OSBPL10: variants seen among roughly 807,000 people sequenced by gnomAD.
OSBPL10 encodes the protein oxysterol binding protein like 10.
OSBPL10 carries 49 observed loss-of-function variants against 81.7 expected under a neutral mutation model. The observed-to-expected ratio is 0.60, with a 90% CI of 0.48 to 0.76. OSBPL10 has a LOEUF of 0.76. Among genes scored for constraint, OSBPL10 ranks in the 30% least tolerant of loss-of-function variants. The pLI is 0.00. For synonymous variants in OSBPL10, 419 were observed against 383.6 expected, an observed-to-expected ratio of 1.09 and a Z score of -1.08; for missense variants, 923 against 987.8, an observed-to-expected ratio of 0.93 and a Z score of 0.88.
intron 3 of OSBPL10, among the ~76,000 whole-genome samples, chr3:31,838,436 G>T (rs368442961): frequency 6.7e-6 from 1 of 148,758 alleles, no homozygotes; most frequent in Non-Finnish European, 1.5e-5. Flanking sequence ...GCGTGAACCC[G>T]GGAGGCGGAG....
chr3:31,681,203 G>C (rs998278265), intron 8 of OSBPL10, among the ~76,000 whole-genome samples: 1 of 152,164 alleles, frequency 6.6e-6, no homozygotes, highest in Non-Finnish European at 1.5e-5. Context: ...AGGAAGGTGT[G>C]ACGAGTGCAG....
rs1700068591 is a variant in OSBPL10, at chr3:31,661,399, G to A, written c.*673C>T. On this transcript the variant is annotated 3_prime_UTR_variant, in exon 12 of 12. Coordinates refer to ENST00000396556, the MANE Select transcript of OSBPL10 (RefSeq NM_017784.5). ...ATGAGAGACGGGTGGAAAACTCCTT[G>A]GTGGGCCTTGGCTCTTAGTTGTCCC... The A allele has an allele frequency of 6.6e-6, 1 of 152,182 alleles. No individual in the cohort carries two copies. The highest frequency in any genetic ancestry group is 2.4e-5 in the African/African-American group (1 of 41,426). The allele number at this position is 152,182 out of a possible 1,614,324, so 9.4% of individuals were successfully genotyped here. A position where few individuals can be genotyped will look rare whatever the true frequency, so the allele number is the denominator to read the frequency against.
intron 1 of OSBPL10, among the ~76,000 whole-genome samples, chr3:31,960,815 A>G (rs1424930511): frequency 6.6e-6 from 1 of 152,094 alleles, no homozygotes; most frequent in African/African-American, 2.4e-5. Flanking sequence ...CCACCAGGAG[A>G]GAATTACCAG....
intron 1 of OSBPL10, among the ~76,000 whole-genome samples, chr3:31,961,047 CTTTTTTTT>C (rs35027814): frequency 3.5e-5 from 4 of 112,994 alleles, no homozygotes; most frequent in East Asian, 2.7e-4. Context: ...AAGCTACAGC[CTTTTTTTT>C]TTTTTTTTTT....
At chr3:31,879,475 C>T in intron 2 of OSBPL10, 180 bp downstream of exon 2, 2 of 604,518 alleles carry the variant, frequency 3.3e-6, no homozygotes, top group Non-Finnish European at 5.6e-6. Flanking sequence ...CAAGTAATTC[C>T]TAATGTCAGC....
intron 10 of OSBPL10, among the ~76,000 whole-genome samples, chr3:31,666,657 A>AC (rs532326348): frequency 2.7e-4 from 41 of 151,992 alleles, no homozygotes; most frequent in African/African-American, 8.7e-4. Context: ...ACATTTGGAG[A>AC]CCCCCCAGCA....
At chr3:32,027,353 G>A (rs1699426717) in intron 2 of OSBPL10, among the ~76,000 whole-genome samples, 1 of 152,178 alleles carries the variant, frequency 6.6e-6, no homozygotes, top group Non-Finnish European at 1.5e-5. Flanking sequence ...TGAAATATGG[G>A]TCAGAAGATG....
chr3:32,013,627 A>C (rs1264581598), intron 2 of OSBPL10, among the ~76,000 whole-genome samples: 1 of 152,240 alleles, frequency 6.6e-6, no homozygotes, highest in Non-Finnish European at 1.5e-5. Flanking sequence ...AGACACAAAA[A>C]ACCCTTCAAA....
rs536575398 is a variant in OSBPL10 at position 32,068,335 on chromosome 3, C to T, written n.185+9061G>A. Among the ~76,000 whole-genome samples, 358 of 152,316 alleles carry T rather than the reference C, an allele frequency of 2.4e-3. 2 individuals carry two copies. The highest frequency in any genetic ancestry group is 5.9e-3 in the Admixed American group (91 of 15,298). ...GATGCCTGCCTTGGTCATTCACCCACATTCCCTTGGTGGCAAGTCAATTGC... is the reference window on the plus strand; with the variant it reads ...GATGCCTGCCTTGGTCATTCACCCATATTCCCTTGGTGGCAAGTCAATTGC... On this transcript the variant is annotated intron_variant and non_coding_transcript_variant, in intron 1 of 3. Transcript: ENST00000479173.
chr3:31,742,831 C>A (rs1327321941), intron 5 of OSBPL10, among the ~76,000 whole-genome samples: 1 of 152,100 alleles, frequency 6.6e-6, no homozygotes, highest in Non-Finnish European at 1.5e-5. Context: ...AAGAGCACAA[C>A]CTTTTCCAGT....
chr3:32,002,491 A>C (rs1406500650), intron 2 of OSBPL10, among the ~76,000 whole-genome samples: 1 of 152,242 alleles, frequency 6.6e-6, no homozygotes, highest in Non-Finnish European at 1.5e-5. Flanking sequence ...ACTATGAAGC[A>C]GACCCAGGAA....
chr3:31,852,532 C>A (rs1700795827), intron 3 of OSBPL10, among the ~76,000 whole-genome samples: 1 of 152,230 alleles, frequency 6.6e-6, no homozygotes, highest in South Asian at 2.1e-4. Context: ...ATTTTTGTGA[C>A]ATTTGAGCAA....
At chr3:31,923,584 G>T (rs1252347067) in intron 1 of OSBPL10, among the ~76,000 whole-genome samples, 4 of 152,028 alleles carry the variant, frequency 2.6e-5, no homozygotes, top group Non-Finnish European at 5.9e-5. Context: ...GAGCCCAAAA[G>T]TTCGAGACCA....
At chr3:31,870,302 C>T (rs145557080) in intron 3 of OSBPL10, among the ~76,000 whole-genome samples, 4,886 of 152,358 alleles carry the variant, frequency 0.032, 127 homozygotes, top group South Asian at 0.12. Flanking sequence ...CCCCAGCAGT[C>T]CCGGCCCACT....
At chr3:31,924,149 G>A (rs1441463361) in intron 1 of OSBPL10, among the ~76,000 whole-genome samples, 1 of 151,478 alleles carries the variant, frequency 6.6e-6, no homozygotes, top group Non-Finnish European at 1.5e-5. Context: ...AACCTGGGAG[G>A]TGGAGGTTGC....
chr3:31,747,650 A>G (rs1697568125), intron 5 of OSBPL10, among the ~76,000 whole-genome samples: 1 of 152,206 alleles, frequency 6.6e-6, no homozygotes, highest in African/African-American at 2.4e-5. Flanking sequence ...AACTTCTAAA[A>G]TAAAAATATA....
chr3:31,943,308 C>T (rs1697587973), intron 1 of OSBPL10, among the ~76,000 whole-genome samples: 1 of 152,170 alleles, frequency 6.6e-6, no homozygotes, highest in Admixed American at 6.5e-5. Flanking sequence ...AATAATGCTA[C>T]AATGAACCTT....
chr3:31,713,143 C>T (rs141920556), intron 6 of OSBPL10, among the ~76,000 whole-genome samples: 8 of 152,252 alleles, frequency 5.3e-5, no homozygotes, highest in African/African-American at 1.9e-4. Flanking sequence ...GCCCTCTCCT[C>T]TTGACTCAGA....
At chr3:31,758,091 A>C (rs1212345366) in intron 4 of OSBPL10, among the ~76,000 whole-genome samples, 1 of 152,226 alleles carries the variant, frequency 6.6e-6, no homozygotes, top group Non-Finnish European at 1.5e-5. Context: ...ACTAATGTTT[A>C]CAGTACTTTT....
Sources: allele counts gnomAD v4.1 joint callset (sites outside exome capture counted in the v4.1 genomes callset), GRCh38; gene constraint gnomAD v4.1.1; transcripts MANE v1.5; gene names NCBI Gene and HGNC (gene_info 2026-07-23, HGNC 2026-07-21).